The following KIF15 variants were observed in gnomAD, a reference collection of about 807,000 sequenced individuals.
KIF15 encodes kinesin-like protein KIF15.
KIF15 carries 140 observed loss-of-function variants against 190.6 expected under a neutral mutation model. The observed-to-expected ratio is 0.73, with a 90% confidence interval of 0.64 to 0.84. KIF15 has a LOEUF of 0.84. Among genes scored for constraint, KIF15 ranks in the 40% least tolerant of loss-of-function variants. The probability of loss-of-function intolerance (pLI) is 0.00; values close to 1 mark genes in which losing one functional copy is unlikely to be tolerated. For synonymous variants in KIF15, 528 were observed against 551.3 expected (o/e 0.96, Z 0.59); for missense variants, 1,372 against 1,584.4 (o/e 0.87, Z 2.28).
At chr3:44,819,993 T>C (rs1364116501) in intron 20 of KIF15, among the ~76,000 whole-genome samples, 1 of 152,244 alleles carries the variant, frequency 6.6e-6, no homozygotes, top group African/African-American at 2.4e-5. Context: ...CCTTTATCAT[T>C]ATGTAATGGC....
At chr3:44,830,478 A>ATAAT (rs138267566) in intron 25 of KIF15, among the ~76,000 whole-genome samples, 2,843 of 152,332 alleles carry the variant, frequency 0.019, 76 homozygotes, top group African/African-American at 0.064. Context: ...AGAGACATTA[A>ATAAT]TTAGAAAGTG....
chr3:44,762,757 C>CT (rs1705207544), intron 1 of KIF15, among the ~76,000 whole-genome samples: 1 of 151,810 alleles, frequency 6.6e-6, no homozygotes, highest in South Asian at 2.1e-4. Context: ...TTTCATTAAT[C>CT]TTTTAGGTCG....
At chr3:44,762,123 C>T (rs1705175551) in intron 1 of KIF15, among the ~76,000 whole-genome samples, 1 of 152,180 alleles carries the variant, frequency 6.6e-6, no homozygotes, top group Non-Finnish European at 1.5e-5. Flanking sequence ...GTTCTAGGCG[C>T]TCGGGATGAG....
At chr3:44,857,863 A>T (rs528335462), downstream of KIF15, among the ~76,000 whole-genome samples, 2 of 152,162 alleles carry the variant, frequency 1.3e-5, no homozygotes, top group African/African-American at 4.8e-5. Context: ...GGAGGGGGAT[A>T]CCCAATATCC....
At chr3:44,833,653 G>A (rs966369966) in intron 26 of KIF15, among the ~76,000 whole-genome samples, 19 of 152,124 alleles carry the variant, frequency 1.2e-4, no homozygotes, top group African/African-American at 3.9e-4. Context: ...AGCTGTGCTC[G>A]CTTTCCTCCT....
chr3:44,773,173 A>G (rs1029969639), intron 1 of KIF15, among the ~76,000 whole-genome samples: 1 of 152,172 alleles, frequency 6.6e-6, no homozygotes, highest in African/African-American at 2.4e-5. Flanking sequence ...TCTCACATAA[A>G]AGTTAATCTC....
rs1553668755 is a variant in KIF15 at position 44,863,308 on chromosome 3, C to CCA, written c.*60-10020_*60-10019insAC. On this transcript the variant is annotated intron_variant and NMD_transcript_variant, in intron 6 of 6. Transcript: ENST00000422209. ...GTATATTTAGATTCCGCACCCCCCC[C>CCA]CCCCGCCGCCTTGTCTCCAGGCAGG... 1.8e-5 allele frequency: 2 copies of CCA among 111,316 alleles called. 1 individual carries two copies. The highest frequency in any genetic ancestry group is 4.2e-5 in the Non-Finnish European group (2 of 47,878). The allele number at this position is 111,316 out of a possible 1,614,324, so 6.9% of individuals were successfully genotyped here.
intron 13 of KIF15, 30 bp downstream of exon 13, chr3:44,802,004 A>T (rs1432355589): frequency 6.8e-6 from 10 of 1,466,068 alleles, no homozygotes; most frequent in Non-Finnish European, 9.3e-6. Context: ...AATATTTCTA[A>T]AAATAAAAGA....
intron 32 of KIF15, among the ~76,000 whole-genome samples, chr3:44,851,228 C>T (rs146570231): frequency 5.9e-5 from 9 of 152,086 alleles, no homozygotes; most frequent in African/African-American, 1.2e-4. Flanking sequence ...ATGGTGCCAG[C>T]GTACTCTAGC....
intron 1 of KIF15, among the ~76,000 whole-genome samples, chr3:44,771,743 T>A (rs1705649426): frequency 6.6e-6 from 1 of 152,258 alleles, no homozygotes; most frequent in Admixed American, 6.5e-5. Flanking sequence ...GAGAACCTTG[T>A]TGTGCTTTTA....
chr3:44,771,774 A>G (rs1705650406), intron 1 of KIF15, among the ~76,000 whole-genome samples: 2 of 152,346 alleles, frequency 1.3e-5, no homozygotes, highest in African/African-American at 2.4e-5. Flanking sequence ...CAATTTATGG[A>G]AAAGCCATAT....
rs773300250 is a variant in KIF15 at position 44,828,223 on chromosome 3, G to A, written c.2866G>A (p.Val956Ile). ...TTCTTTTTCACCATAGATGGCAAAAGTACAGAAACTAGAAGAGAGCTTGCT... is the reference window on the plus strand; with the variant it reads ...TTCTTTTTCACCATAGATGGCAAAAATACAGAAACTAGAAGAGAGCTTGCT... Reference protein sequence around the residue: ...TAKCEQQMAKVQKLEESLLAT... With the variant: ...TAKCEQQMAKIQKLEESLLAT... The change falls in exon 24 of 35, where the codon GTA becomes ATA. Residue 956 changes from valine to isoleucine, a missense_variant. Val to Ile is a conservative substitution (Grantham distance 29). Transcript: ENST00000326047. The A allele has an allele frequency of 1.9e-6, 3 of 1,612,626 alleles. No homozygotes were observed. Among genetic ancestry groups the A allele is most frequent in the African/African-American group, 1.3e-5 (1 of 75,026 alleles).
At chr3:44,772,472 T>G (rs2125899758) in intron 1 of KIF15, among the ~76,000 whole-genome samples, 1 of 152,226 alleles carries the variant, frequency 6.6e-6, no homozygotes, top group African/African-American at 2.4e-5. Context: ...AAGAATTCAG[T>G]TGACTGAGAA....
intron 5 of KIF15, among the ~76,000 whole-genome samples, chr3:44,782,311 C>T (rs562113895): frequency 2.0e-5 from 3 of 152,340 alleles, no homozygotes; most frequent in African/African-American, 7.2e-5. Context: ...ATCCACCTGC[C>T]TCGGCCTCCC....
chr3:44,818,369 G>A (rs1434584092), intron 20 of KIF15, among the ~76,000 whole-genome samples: 1 of 152,170 alleles, frequency 6.6e-6, no homozygotes. Flanking sequence ...GTATGATATT[G>A]GCTGTGGGTT....
At chr3:44,786,362 AT>A (rs1381172802) in intron 6 of KIF15, 32 bp from the exon 7 acceptor site, 2 of 1,556,504 alleles carry the variant, frequency 1.3e-6, no homozygotes, top group Non-Finnish European at 1.7e-6. Context: ...ACACATGAAA[AT>A]AATGTATCTA....
chr3:44,812,911 G>A (rs1707854336), intron 18 of KIF15, among the ~76,000 whole-genome samples, 164 bp from the exon 19 acceptor site: 1 of 152,092 alleles, frequency 6.6e-6, no homozygotes, highest in Admixed American at 6.6e-5. Context: ...CTTGAACCCA[G>A]GAGGCGGAGG....
chr3:44,811,203 A>G (rs1466952036), intron 17 of KIF15, among the ~76,000 whole-genome samples, 160 bp downstream of exon 17: 1 of 152,226 alleles, frequency 6.6e-6, no homozygotes, highest in African/African-American at 2.4e-5. Context: ...ATTGGAAATC[A>G]GCCCACTCTT....
At chr3:44,802,774 T>C in intron 13 of KIF15, 40 bp from the exon 14 acceptor site, 1 of 1,476,064 alleles carries the variant, frequency 6.8e-7, no homozygotes, top group Non-Finnish European at 9.0e-7. Flanking sequence ...TAAGGAAATG[T>C]TTGTAAATAT....
Sources: allele counts gnomAD v4.1 joint callset (sites outside exome capture counted in the v4.1 genomes callset), GRCh38; gene constraint gnomAD v4.1.1; transcripts MANE v1.5; gene names NCBI Gene and HGNC (gene_info 2026-07-23, HGNC 2026-07-21).